The following FAM3D variants were observed in gnomAD, a reference collection of about 807,000 sequenced individuals.
FAM3D encodes the protein protein FAM3D.
A neutral mutation model predicts 29.8 loss-of-function variants in FAM3D; 26 were observed. The observed-to-expected ratio is 0.87, with a 90% confidence interval of 0.64 to 1.21. The LOEUF is 1.21. FAM3D is among the 50% of genes most tolerant of loss of function. The pLI is 0.00. For synonymous variants in FAM3D, 115 were observed against 102.3 expected, an observed-to-expected ratio of 1.12 and a Z score of -0.75; for missense variants, 253 against 290.9, an observed-to-expected ratio of 0.87 and a Z score of 0.95.
intron 1 of FAM3D, among the ~76,000 whole-genome samples, chr3:58,662,284 C>T (rs2066946859): frequency 6.6e-6 from 1 of 152,228 alleles, no homozygotes; most frequent in African/African-American, 2.4e-5. Context: ...CCGTCTGAGA[C>T]AGCTGGGTCT....
chr3:58,658,801 T>C (rs536139155), intron 1 of FAM3D, among the ~76,000 whole-genome samples: 2 of 152,234 alleles, frequency 1.3e-5, no homozygotes, highest in South Asian at 4.1e-4. Flanking sequence ...AGAGAGAGGC[T>C]CTCTTCTCCC....
At position 58,636,372 on chromosome 3, in the gene FAM3D, G is replaced by A. The variant is rs536391981; in HGVS notation, c.507C>T (p.Tyr169=). 71 of 1,614,182 alleles carry A rather than the reference G, an allele frequency of 4.4e-5. No individual in the cohort carries two copies. Among genetic ancestry groups the A allele is most frequent in the Middle Eastern group, 1.6e-4 (1 of 6,062 alleles). Reference sequence around the variant, plus strand: ...TGTCCCGGAAGCCCAGTTGTTTTGCGTAGGAACTCCCCAAGTCAGAGAAGA... The same window carrying A: ...TGTCCCGGAAGCCCAGTTGTTTTGCATAGGAACTCCCCAAGTCAGAGAAGA... ...RKLFSDLGSS[Y]AKQLGFRDSW... is the part of the protein sequence containing the mutation. Residue 169 remains tyrosine (Y), a synonymous_variant, in exon 9 of 10, where the codon TAC becomes TAT. Coordinates refer to ENST00000358781, the MANE Select transcript of FAM3D (RefSeq NM_138805.3).
chr3:58,653,774 A>C lies in FAM3D; in HGVS notation c.21T>G (p.Leu7=). Residue 7 remains leucine, a synonymous_variant, in exon 3 of 10, where the codon CTT becomes CTG. Transcript: ENST00000358781. Reference sequence around the variant, plus strand: ...TGGCAAAGATGAGGGCCAGGAGGCGAAGCACACCTGCTGAGCAAGGGGATG... The same window carrying C: ...TGGCAAAGATGAGGGCCAGGAGGCGCAGCACACCTGCTGAGCAAGGGGATG... The part of the protein sequence containing the change: MRVSGV[L]RLLALIFAIV... 6.2e-7 allele frequency: 1 copy of C among 1,613,500 alleles called. No individual in the cohort carries two copies. Among genetic ancestry groups the C allele is most frequent in the Non-Finnish European group, 8.5e-7 (1 of 1,179,926 alleles).
intron 1 of FAM3D, among the ~76,000 whole-genome samples, chr3:58,657,314 T>C (rs963859336): frequency 1.4e-5 from 2 of 146,872 alleles, no homozygotes; most frequent in African/African-American, 5.1e-5. Flanking sequence ...ACAGAGGGTG[T>C]GTACAGAGAC....
At chr3:58,647,465 C>T (rs1305859549) in intron 4 of FAM3D, among the ~76,000 whole-genome samples, 1 of 152,218 alleles carries the variant, frequency 6.6e-6, no homozygotes, top group Non-Finnish European at 1.5e-5. Context: ...CCTCCAGCCA[C>T]ATGCACCCCT....
chr3:58,640,777 C>T (rs760418425), intron 6 of FAM3D, among the ~76,000 whole-genome samples: 3 of 152,176 alleles, frequency 2.0e-5, no homozygotes, highest in Non-Finnish European at 4.4e-5. Flanking sequence ...TCTGGAGGAA[C>T]GTTACAGTTC....
Position 58,655,419 on chromosome 3 carries a change from T to A in FAM3D, c.13+132A>T, listed in dbSNP as rs1039914361. The A allele has an allele frequency of 1.1e-5, 13 of 1,164,524 alleles. 1 individual carries two copies. Among genetic ancestry groups the A allele is most frequent in the Non-Finnish European group, 1.6e-5 (13 of 833,452 alleles). 72.1% of individuals were successfully genotyped at this position (1,164,524 alleles called of 1,614,324 possible). A position where few individuals can be genotyped will look rare whatever the true frequency, so the allele number is the denominator to read the frequency against. ...AGTCGCCTCTTCTACTCTTCCAGCC[T>A]CCCCTGGATTGCTTTCCTCCTGGAA... On this transcript the variant is annotated intron_variant, in intron 2 of 9. Transcript: ENST00000358781.
chr3:58,645,258 C>T (rs1373984217), intron 5 of FAM3D, among the ~76,000 whole-genome samples: 1 of 152,144 alleles, frequency 6.6e-6, no homozygotes, highest in Non-Finnish European at 1.5e-5. Flanking sequence ...TTACATTCTC[C>T]TGGGGATAAT....
At chr3:58,638,946 T>C (rs2066251183) in intron 7 of FAM3D, among the ~76,000 whole-genome samples, 1 of 152,216 alleles carries the variant, frequency 6.6e-6, no homozygotes, top group South Asian at 2.1e-4. Context: ...ACGGTGGGTA[T>C]TTGAAAAAAT....
chr3:58,639,904 C>T lies in FAM3D; in HGVS notation c.373+223G>A, dbSNP rs1444193. Among the ~76,000 whole-genome samples, 1,531 of 152,282 alleles carry T rather than the reference C, an allele frequency of 0.01. 67 individuals carry two copies. The East Asian group carries it at 0.15, about 15-fold the overall frequency. ...CTTAAATAAAGCATTGCACTTGAAT[C>T]CCTGTCTCAGGATCTGAGTCTGGGA... On this transcript the variant is annotated intron_variant, in intron 7 of 9. Coordinates refer to ENST00000358781, the MANE Select transcript of FAM3D (RefSeq NM_138805.3).
At chr3:58,658,950 T>A (rs2066878986) in intron 1 of FAM3D, among the ~76,000 whole-genome samples, 1 of 152,188 alleles carries the variant, frequency 6.6e-6, no homozygotes, top group Non-Finnish European at 1.5e-5. Flanking sequence ...GCAATGCATG[T>A]GATCTTGGTC....
intron 1 of FAM3D, among the ~76,000 whole-genome samples, chr3:58,664,107 C>T (rs1195496473): frequency 1.1e-5 from 1 of 93,252 alleles, no homozygotes; most frequent in Non-Finnish European, 2.6e-5. Flanking sequence ...CGTTCATAGC[C>T]TTGCCACCTT....
intron 7 of FAM3D, among the ~76,000 whole-genome samples, chr3:58,639,832 T>C (rs4260460): frequency 0.6 from 90,915 of 152,012 alleles, 27,806 homozygotes; most frequent in South Asian, 0.67. Context: ...AGCCCTGGGC[T>C]GAGGACAGGG....
chr3:58,655,744 G>C (rs751777451), intron 1 of FAM3D, 143 bp from the exon 2 acceptor site: 40 of 601,056 alleles, frequency 6.7e-5, no homozygotes, highest in Non-Finnish European at 1.0e-4. Flanking sequence ...TGAACAAGAG[G>C]GCAATTTTCC....
At chr3:58,648,422 T>C (rs1273020101) in intron 4 of FAM3D, among the ~76,000 whole-genome samples, 1 of 152,002 alleles carries the variant, frequency 6.6e-6, no homozygotes, top group Non-Finnish European at 1.5e-5. Context: ...AAAGAGGGGT[T>C]GAGGGGGTGG....
chr3:58,645,235 A>G (rs548550582), intron 5 of FAM3D, among the ~76,000 whole-genome samples: 6 of 152,198 alleles, frequency 3.9e-5, no homozygotes, highest in Non-Finnish European at 8.8e-5. Context: ...TCTGCACCCC[A>G]CTATCCTCAT....
chr3:58,650,968 C>T (rs191618213), intron 3 of FAM3D, among the ~76,000 whole-genome samples: 4 of 149,774 alleles, frequency 2.7e-5, no homozygotes, highest in East Asian at 1.9e-4. Context: ...CTGCCCGCCT[C>T]GGCATCCCAA....
intron 1 of FAM3D, 30 bp from the exon 2 acceptor site, chr3:58,655,631 C>A: frequency 6.3e-7 from 1 of 1,583,238 alleles, no homozygotes; most frequent in Non-Finnish European, 8.6e-7. Flanking sequence ...CAGTCGGAAA[C>A]TGGCATCAGG....
chr3:58,649,574 C>T (rs930607596), intron 3 of FAM3D, among the ~76,000 whole-genome samples: 3 of 152,080 alleles, frequency 2.0e-5, no homozygotes, highest in African/African-American at 7.3e-5. Flanking sequence ...CATGCACACA[C>T]ACACACATGC....
Sources: gnomAD v4.1 joint callset for allele counts (sites outside exome capture counted in the v4.1 genomes callset) on GRCh38, gnomAD v4.1.1 for gene constraint, MANE v1.5 for transcripts, NCBI Gene and HGNC (gene_info 2026-07-23, HGNC 2026-07-21) for gene names.